Variants in NCK2 observed in about 807,000 individuals in gnomAD.
The protein encoded by NCK2 is cytoplasmic protein NCK2.
NCK2 carries 16 observed loss-of-function variants against 33.9 expected under a neutral mutation model. The observed-to-expected ratio is 0.47, with a 90% CI of 0.32 to 0.72. The LOEUF (loss-of-function observed/expected upper bound fraction) is 0.72, where lower values mean the gene tolerates loss of function less well. NCK2 is among the 30% of genes least tolerant of loss of function. The pLI is 0.03. For missense variants in NCK2, 418 were observed against 537.3 expected, an observed-to-expected ratio of 0.78 and a Z score of 2.19; for synonymous variants, 273 against 239.9, an observed-to-expected ratio of 1.14 and a Z score of -1.27.
chr2:105,889,581 T>C (rs1330975122), intron 4 of NCK2, among the ~76,000 whole-genome samples: 1 of 151,516 alleles, frequency 6.6e-6, no homozygotes. Flanking sequence ...CTTTTTTTTT[T>C]TTTTTTTTTT....
At chr2:105,784,630 T>C (rs1296830794) in intron 1 of NCK2, among the ~76,000 whole-genome samples, 2 of 152,248 alleles carry the variant, frequency 1.3e-5, no homozygotes, top group East Asian at 3.9e-4. Flanking sequence ...AAATTGAGCA[T>C]GTCTGTGGTT....
intron 2 of NCK2, among the ~76,000 whole-genome samples, chr2:105,830,118 T>C (rs1008449949): frequency 9.2e-5 from 14 of 152,202 alleles, no homozygotes; most frequent in East Asian, 5.8e-4. Context: ...AATCCTCTCT[T>C]CTAGTTATTT....
chr2:105,785,229 C>T (rs1019106018), intron 1 of NCK2, among the ~76,000 whole-genome samples: 2 of 152,180 alleles, frequency 1.3e-5, no homozygotes, highest in South Asian at 2.1e-4. Flanking sequence ...CCGCCCATCT[C>T]GGCCTCCCAA....
intron 1 of NCK2, among the ~76,000 whole-genome samples, chr2:105,799,293 A>C (rs1691186588): frequency 1.3e-5 from 2 of 151,382 alleles, no homozygotes; most frequent in Admixed American, 1.3e-4. Flanking sequence ...TTCTTCCTTC[A>C]GGGTTATAAA....
At chr2:105,865,993 C>T (rs1248425522) in intron 3 of NCK2, among the ~76,000 whole-genome samples, 3 of 152,100 alleles carry the variant, frequency 2.0e-5, no homozygotes, top group African/African-American at 4.8e-5. Context: ...TGGCTCACCG[C>T]AACCTCCGCC....
intron 2 of NCK2, among the ~76,000 whole-genome samples, chr2:105,840,611 T>G (rs933165059): frequency 2.6e-5 from 4 of 152,208 alleles, no homozygotes; most frequent in Non-Finnish European, 5.9e-5. Context: ...CCACCCCCAC[T>G]TCAGATGCCA....
chr2:105,854,990 AAAGGATG>A, intron 2 of NCK2, 51 bp from the exon 3 acceptor site: 1 of 1,345,716 alleles, frequency 7.4e-7, no homozygotes, highest in Non-Finnish European at 1.1e-6. Flanking sequence ...AAGTTGGTGC[AAAGGATG>A]AAGTGTCCGG....
intron 1 of NCK2, among the ~76,000 whole-genome samples, chr2:105,749,024 T>C (rs545695882): frequency 1.3e-5 from 2 of 152,130 alleles, no homozygotes; most frequent in East Asian, 3.8e-4. Context: ...GTCATGTGAG[T>C]CATTTGTAGT....
In NCK2 at chr2:105,893,853, C is replaced by A. The variant is rs1407851424; in HGVS notation, c.*677C>A. 2 of 152,614 alleles carry A rather than the reference C, an allele frequency of 1.3e-5. No homozygotes were observed. Among genetic ancestry groups the A allele is most frequent in the African/African-American group, 2.4e-5 (1 of 41,438 alleles). The allele number at this position is 152,614 out of a possible 1,614,324, so 9.5% of individuals were successfully genotyped here. A position where few individuals can be genotyped will look rare whatever the true frequency, so the allele number is the denominator to read the frequency against. On this transcript the variant is annotated 3_prime_UTR_variant, in exon 5 of 5. Coordinates refer to ENST00000233154, the MANE Select transcript of NCK2 (RefSeq NM_003581.5). Reference sequence around the variant, plus strand: ...CATAGTGCTTTTTCCTCTTGCCCTTCGGCTTGTTTGAATCTCACAATTATG... The same window carrying A: ...CATAGTGCTTTTTCCTCTTGCCCTTAGGCTTGTTTGAATCTCACAATTATG...
At chr2:105,800,952 A>G (rs531671035) in intron 1 of NCK2, among the ~76,000 whole-genome samples, 1 of 152,274 alleles carries the variant, frequency 6.6e-6, no homozygotes, top group South Asian at 2.1e-4. Flanking sequence ...GGGGTCTTGA[A>G]GGAGAGGAGA....
At chr2:105,867,719 G>A (rs1218624505) in intron 3 of NCK2, among the ~76,000 whole-genome samples, 1 of 152,148 alleles carries the variant, frequency 6.6e-6, no homozygotes, top group Non-Finnish European at 1.5e-5. Flanking sequence ...CCTGGTGAAA[G>A]GCAAAACATT....
At chr2:105,871,503 C>CT (rs369980011) in intron 3 of NCK2, among the ~76,000 whole-genome samples, 1,680 of 148,502 alleles carry the variant, frequency 0.011, 14 homozygotes, top group Middle Eastern at 0.018. Context: ...TTTCTTTTTT[C>CT]TTTTTTTTTT....
chr2:105,853,897 G>C (rs1333894041), intron 2 of NCK2: 1 of 152,222 alleles, frequency 6.6e-6, no homozygotes, highest in Non-Finnish European at 1.5e-5. Context: ...GTGATCAGCT[G>C]TCACCTGGGG....
chr2:105,779,208 G>C (rs1343782301), intron 1 of NCK2, among the ~76,000 whole-genome samples: 4 of 150,888 alleles, frequency 2.7e-5, no homozygotes, highest in African/African-American at 9.7e-5. Context: ...TCTGGAGGCT[G>C]AGGCATGAGA....
rs374692316 is a variant in NCK2, at chr2:105,855,304, C to T, written c.226+15C>T. ...GGACACACTAGGTGAGTGTTTCACCCTCGAGAGAGGAAGCCTTGTGCATTT... is the reference window on the plus strand; with the variant it reads ...GGACACACTAGGTGAGTGTTTCACCTTCGAGAGAGGAAGCCTTGTGCATTT... On this transcript the variant is annotated intron_variant, in intron 3 of 4. Transcript: ENST00000233154. 6 of 1,564,284 alleles carry T rather than the reference C, an allele frequency of 3.8e-6. No homozygotes were observed. The African/African-American group carries it at 8.1e-5, about 21-fold the overall frequency.
At chr2:105,745,292 C>T (rs1689241352) in intron 1 of NCK2, among the ~76,000 whole-genome samples, 154 bp downstream of exon 1, 1 of 151,632 alleles carries the variant, frequency 6.6e-6, no homozygotes, top group African/African-American at 2.4e-5. Context: ...CTCGGCCCTG[C>T]CGCGGCCTGG....
chr2:105,801,897 A>C (rs919512962), intron 1 of NCK2, among the ~76,000 whole-genome samples: 6 of 152,166 alleles, frequency 3.9e-5, no homozygotes, highest in African/African-American at 1.4e-4. Context: ...CTGGCATTGC[A>C]TTCCAAAGCC....
chr2:105,857,593 T>G (rs1407377467), intron 3 of NCK2, among the ~76,000 whole-genome samples: 7 of 152,256 alleles, frequency 4.6e-5, no homozygotes, highest in Admixed American at 4.6e-4. Flanking sequence ...CAAGCAGTTC[T>G]TGGGAAACAT....
chr2:105,792,953 G>T (rs980235147), intron 1 of NCK2, among the ~76,000 whole-genome samples: 1 of 152,230 alleles, frequency 6.6e-6, no homozygotes, highest in Non-Finnish European at 1.5e-5. Context: ...GTGCAGTTTA[G>T]ATGGGAGTCT....
Sources: gnomAD v4.1 joint callset for allele counts (sites outside exome capture counted in the v4.1 genomes callset) on GRCh38, gnomAD v4.1.1 for gene constraint, MANE v1.5 for transcripts, NCBI Gene and HGNC (gene_info 2026-07-23, HGNC 2026-07-21) for gene names.